BNC2: variants seen among roughly 807,000 people sequenced by gnomAD.
The protein encoded by BNC2 is basonuclin zinc finger protein 2, also known as zinc finger protein basonuclin-2.
In BNC2, 20 loss-of-function variants were observed where a neutral mutation model predicts 76.3. The observed-to-expected ratio is 0.26, with a 90% CI of 0.18 to 0.38. BNC2 has a LOEUF of 0.38. Among genes scored for constraint, BNC2 ranks in the 10% least tolerant of loss-of-function variants. BNC2 has a pLI of 1.00. For missense variants in BNC2, 1,382 were observed against 1,399.8 expected (o/e 0.99, Z 0.20); for synonymous variants, 582 against 514.8 (o/e 1.13, Z -1.77).
chr9:16,794,749 T>G (rs1008827703), intron 1 of BNC2, among the ~76,000 whole-genome samples: 1 of 152,140 alleles, frequency 6.6e-6, no homozygotes, highest in African/African-American at 2.4e-5. Flanking sequence ...CCATATTAGT[T>G]CTCTTCAATT....
intron 4 of BNC2, among the ~76,000 whole-genome samples, chr9:16,571,463 T>C (rs751672381): frequency 6.6e-6 from 1 of 152,188 alleles, no homozygotes; most frequent in Non-Finnish European, 1.5e-5. Context: ...AAATGTTAGA[T>C]AGCTACTCGG....
intron 1 of BNC2, among the ~76,000 whole-genome samples, chr9:16,767,965 A>ATTTT (rs764469661): frequency 7.2e-6 from 1 of 138,768 alleles, no homozygotes; most frequent in South Asian, 2.3e-4. Flanking sequence ...AGGTTATGCA[A>ATTTT]TTTTTTTTTT....
intron 3 of BNC2, among the ~76,000 whole-genome samples, chr9:16,631,104 G>A (rs960043943): frequency 2.6e-5 from 4 of 152,046 alleles, no homozygotes. Flanking sequence ...CATTTATGGG[G>A]TACGTGTGTG....
At chr9:16,663,124 TTTACTC>T (rs1433631956) in intron 3 of BNC2, among the ~76,000 whole-genome samples, 5 of 128,028 alleles carry the variant, frequency 3.9e-5, no homozygotes, top group African/African-American at 1.6e-4. Context: ...CTCCACTCTG[TTTACTC>T]TTTTTTTTTT....
intron 1 of BNC2, among the ~76,000 whole-genome samples, chr9:16,796,153 T>A (rs1449833412): frequency 6.6e-6 from 1 of 152,224 alleles, no homozygotes; most frequent in African/African-American, 2.4e-5. Flanking sequence ...AAAGCCAGTA[T>A]GACACAAAAT....
chr9:16,551,599 G>C (rs1390715081), intron 5 of BNC2, among the ~76,000 whole-genome samples: 1 of 152,222 alleles, frequency 6.6e-6, no homozygotes, highest in Non-Finnish European at 1.5e-5. Flanking sequence ...AATTGCTTCA[G>C]ATTCTACCTT....
At chr9:16,829,394 G>A (rs1415351593) in intron 1 of BNC2, among the ~76,000 whole-genome samples, 2 of 152,056 alleles carry the variant, frequency 1.3e-5, no homozygotes, top group South Asian at 4.1e-4. Context: ...TTTTTATTAG[G>A]TGACTGGGTG....
chr9:16,776,034 G>A (rs925559472), intron 1 of BNC2, among the ~76,000 whole-genome samples: 2 of 152,188 alleles, frequency 1.3e-5, no homozygotes, highest in African/African-American at 4.8e-5. Flanking sequence ...GACCAGGTCA[G>A]GCACTTCTAC....
intron 3 of BNC2, among the ~76,000 whole-genome samples, chr9:16,682,345 G>A (rs1416205243): frequency 1.8e-4 from 23 of 126,894 alleles, no homozygotes; most frequent in Non-Finnish European, 9.5e-5. Context: ...GACAGACTTC[G>A]ATGAGCAGCT....
intron 3 of BNC2, among the ~76,000 whole-genome samples, chr9:16,656,886 G>C (rs1277990237): frequency 1.3e-5 from 2 of 152,146 alleles, no homozygotes; most frequent in Non-Finnish European, 2.9e-5. Context: ...ATAATGAATG[G>C]GGAAACAGAA....
intron 1 of BNC2, among the ~76,000 whole-genome samples, chr9:16,780,151 G>A (rs1426243752): frequency 2.0e-5 from 3 of 149,310 alleles, no homozygotes; most frequent in East Asian, 2.0e-4. Flanking sequence ...TAGGAGAATG[G>A]CGCGAACCTG....
chr9:16,721,554 C>G (rs936245630), intron 3 of BNC2, among the ~76,000 whole-genome samples: 3 of 152,182 alleles, frequency 2.0e-5, no homozygotes, highest in Non-Finnish European at 4.4e-5. Context: ...AGGGTGGTCA[C>G]TGAGCAGCAC....
intron 3 of BNC2, among the ~76,000 whole-genome samples, chr9:16,590,926 A>C (rs2133171798): frequency 6.6e-6 from 1 of 152,318 alleles, no homozygotes; most frequent in South Asian, 2.1e-4. Flanking sequence ...TGCAATAAAC[A>C]AACTAATGGC....
chr9:16,640,806 C>T (rs1821472352), intron 3 of BNC2, among the ~76,000 whole-genome samples: 1 of 152,132 alleles, frequency 6.6e-6, no homozygotes, highest in African/African-American at 2.4e-5. Flanking sequence ...GGCATCAGAA[C>T]AGCTGCAACC....
intron 1 of BNC2, among the ~76,000 whole-genome samples, chr9:16,773,504 T>C (rs908381589): frequency 8.4e-6 from 1 of 119,270 alleles, no homozygotes; most frequent in Non-Finnish European, 1.9e-5. Context: ...CTACACGTCA[T>C]GCAATCAGAA....
chr9:16,539,323 C>T (rs902421167), intron 5 of BNC2, among the ~76,000 whole-genome samples: 1 of 151,832 alleles, frequency 6.6e-6, no homozygotes, highest in African/African-American at 2.4e-5. Context: ...AGTTTGAGAC[C>T]AGCCTGGGCA....
At chr9:16,798,203 A>G (rs16935077) in intron 1 of BNC2, among the ~76,000 whole-genome samples, 2,797 of 152,318 alleles carry the variant, frequency 0.018, 81 homozygotes, top group African/African-American at 0.064. Flanking sequence ...GAAGCTATGC[A>G]GATTCGAATA....
chr9:16,816,638 C>A (rs1417392872), intron 1 of BNC2, among the ~76,000 whole-genome samples: 1 of 152,096 alleles, frequency 6.6e-6, no homozygotes, highest in East Asian at 1.9e-4. Flanking sequence ...CTAAGAAAAA[C>A]TGGGAAATCA....
At chr9:16,845,377 A>G (rs1818944243) in intron 1 of BNC2, among the ~76,000 whole-genome samples, 1 of 152,190 alleles carries the variant, frequency 6.6e-6, no homozygotes, top group Non-Finnish European at 1.5e-5. Flanking sequence ...TTCAAATGCT[A>G]CAAGTCATAA....
Sources: allele counts gnomAD v4.1 joint callset (sites outside exome capture counted in the v4.1 genomes callset), GRCh38; gene constraint gnomAD v4.1.1; transcripts MANE v1.5; gene names NCBI Gene and HGNC (gene_info 2026-07-23, HGNC 2026-07-21).